The following MTHFD1L variants were observed in gnomAD, a reference collection of about 807,000 sequenced individuals.
MTHFD1L encodes the protein methylenetetrahydrofolate dehydrogenase (NADP+ dependent) 1 like, also known as monofunctional C1-tetrahydrofolate synthase, mitochondrial.
MTHFD1L carries 81 observed loss-of-function variants against 119.5 expected under a neutral mutation model. The observed-to-expected ratio is 0.68, with a 90% confidence interval of 0.57 to 0.82. MTHFD1L has a LOEUF of 0.82. MTHFD1L is among the 40% of genes least tolerant of loss of function. MTHFD1L has a pLI of 0.00. For missense variants in MTHFD1L, 1,125 were observed against 1,253.4 expected (o/e 0.90, Z 1.55); for synonymous variants, 430 against 475.2 (o/e 0.90, Z 1.24).
At chr6:150,905,891 C>T in intron 8 of MTHFD1L, 130 bp downstream of exon 8, 1 of 705,974 alleles carries the variant, frequency 1.4e-6, no homozygotes, top group Non-Finnish European at 2.4e-6. Flanking sequence ...GGGTAGGAAA[C>T]TTAGACTGTG....
chr6:150,897,438 A>G (rs1488356265), intron 7 of MTHFD1L, among the ~76,000 whole-genome samples: 1 of 152,234 alleles, frequency 6.6e-6, no homozygotes, highest in Admixed American at 6.5e-5. Flanking sequence ...TGTTAGGGTC[A>G]TGGGATTGCG....
At chr6:150,989,919 C>G (rs491552) in intron 20 of MTHFD1L, among the ~76,000 whole-genome samples, 81,235 of 152,064 alleles carry the variant, frequency 0.53, 22,905 homozygotes, top group African/African-American at 0.7. Flanking sequence ...AAATGAACTT[C>G]GTGGTTAAAT....
chr6:151,071,877 C>T (rs1352715672), intron 26 of MTHFD1L, among the ~76,000 whole-genome samples: 2 of 141,822 alleles, frequency 1.4e-5, no homozygotes, highest in East Asian at 2.1e-4. Context: ...AGTCTCACTC[C>T]GATCATCCAG....
chr6:150,942,260 CAAATAAAT>C (rs1020159855), intron 13 of MTHFD1L, among the ~76,000 whole-genome samples: 1 of 151,870 alleles, frequency 6.6e-6, no homozygotes, highest in Non-Finnish European at 1.5e-5. Flanking sequence ...ACTCCGTCTC[CAAATAAAT>C]AAATAAATAA....
Position 151,034,544 on chromosome 6 carries a change from A to G in MTHFD1L, c.2638A>G (p.Lys880Glu). Reference protein sequence around the residue: ...RTIAQAVYGAKDIELSPEAQA... With the variant: ...RTIAQAVYGAEDIELSPEAQA... ...CATTGCTCAGGCTGTCTATGGAGCC[A>G]AAGATATTGAACTCTCTCCTGAGGC... is the stretch of plus-strand genomic sequence containing the variant. The change falls in exon 25 of 28, where the codon AAA (lysine) becomes GAA (glutamate). Residue 880 changes from lysine (K) to glutamate (E), a missense_variant. Coordinates refer to ENST00000367321, the MANE Select transcript of MTHFD1L (RefSeq NM_015440.5). 6.2e-7 allele frequency: 1 copy of G among 1,611,976 alleles called. No homozygotes were observed. Among genetic ancestry groups the G allele is most frequent in the South Asian group, 1.1e-5 (1 of 90,994 alleles).
At chr6:150,904,293 G>C (rs983621993) in intron 7 of MTHFD1L, among the ~76,000 whole-genome samples, 4 of 152,142 alleles carry the variant, frequency 2.6e-5, no homozygotes, top group Non-Finnish European at 5.9e-5. Context: ...CTGCCCCTCT[G>C]TCTGTTTGAC....
intron 1 of MTHFD1L, among the ~76,000 whole-genome samples, chr6:150,872,093 G>A (rs1779645771): frequency 6.6e-6 from 1 of 151,254 alleles, no homozygotes; most frequent in Admixed American, 6.6e-5. Flanking sequence ...GGCCAGGCTG[G>A]TCTCCAACTC....
intron 7 of MTHFD1L, among the ~76,000 whole-genome samples, chr6:150,889,469 T>G (rs1445859151): frequency 6.6e-6 from 1 of 152,238 alleles, no homozygotes; most frequent in Non-Finnish European, 1.5e-5. Context: ...AAAGTTTTTC[T>G]TTCTGAAAAG....
Position 150,871,049 on chromosome 6 carries a change from A to AAT in MTHFD1L, c.227+5008_227+5009dup, listed in dbSNP as rs541250675. Among the ~76,000 whole-genome samples the AAT allele has an allele frequency of 4.4e-3, 639 of 145,172 alleles. 9 individuals carry two copies. The highest frequency in any genetic ancestry group is 0.015 in the African/African-American group (611 of 39,828). Reference sequence around the variant, plus strand: ...ACCTTAATTTATATATATACCTTATAATATATATACCTTAATATATATACC... The same window carrying AAT: ...ACCTTAATTTATATATATACCTTATAATATATATATACCTTAATATATATACC... On this transcript the variant is annotated intron_variant, in intron 1 of 27. Coordinates refer to ENST00000367321, the MANE Select transcript of MTHFD1L (RefSeq NM_015440.5).
chr6:150,866,682 C>A, intron 1 of MTHFD1L: 1 of 1,168,768 alleles, frequency 8.6e-7, no homozygotes, highest in Non-Finnish European at 1.1e-6. Context: ...TCCGAGAGGT[C>A]TCAGCGCTGG....
intron 20 of MTHFD1L, among the ~76,000 whole-genome samples, chr6:150,990,596 A>AT (rs1778938431): frequency 6.6e-6 from 1 of 151,008 alleles, no homozygotes; most frequent in Non-Finnish European, 1.5e-5. Context: ...AGTAGCCGGG[A>AT]TTACAGGCAT....
At chr6:151,053,551 C>T (rs181471097) in intron 26 of MTHFD1L, among the ~76,000 whole-genome samples, 89 of 152,202 alleles carry the variant, frequency 5.8e-4, no homozygotes, top group Non-Finnish European at 1.1e-3. Context: ...TCTGTGCCAT[C>T]TAAAAATATA....
intron 11 of MTHFD1L, among the ~76,000 whole-genome samples, chr6:150,929,615 C>T (rs1002065001): frequency 6.6e-6 from 1 of 152,182 alleles, no homozygotes; most frequent in East Asian, 1.9e-4. Flanking sequence ...CTAGCTAGCA[C>T]GACTGCCTGG....
At chr6:151,072,869 C>T (rs1353207716) in intron 26 of MTHFD1L, among the ~76,000 whole-genome samples, 1 of 152,122 alleles carries the variant, frequency 6.6e-6, no homozygotes, top group Non-Finnish European at 1.5e-5. Context: ...ATGTTAAAAG[C>T]ACACTGCATT....
chr6:151,092,616 T>G, intron 27 of MTHFD1L, 29 bp downstream of exon 27: 1 of 1,413,830 alleles, frequency 7.1e-7, no homozygotes, highest in Non-Finnish European at 9.8e-7. Flanking sequence ...ACTTTTTCTC[T>G]CTTTGTTTTT....
intron 1 of MTHFD1L, among the ~76,000 whole-genome samples, chr6:150,867,482 G>GT (rs1778606203): frequency 6.6e-6 from 1 of 152,212 alleles, no homozygotes; most frequent in African/African-American, 2.4e-5. Flanking sequence ...AGGTCATTAG[G>GT]TTTTAACCTG....
intron 20 of MTHFD1L, among the ~76,000 whole-genome samples, chr6:151,008,890 G>A (rs1351591492): frequency 1.3e-5 from 2 of 151,996 alleles, no homozygotes; most frequent in East Asian, 1.9e-4. Context: ...GCCAAGGTGG[G>A]CAGATCACCT....
intron 26 of MTHFD1L, among the ~76,000 whole-genome samples, chr6:151,074,829 T>C (rs1480296265): frequency 6.6e-6 from 1 of 152,230 alleles, no homozygotes; most frequent in African/African-American, 2.4e-5. Flanking sequence ...TAGGAGGCTA[T>C]ACCATCTAGG....
chr6:150,981,416 C>T (rs1185592113), intron 20 of MTHFD1L, among the ~76,000 whole-genome samples: 1 of 152,222 alleles, frequency 6.6e-6, no homozygotes, highest in Non-Finnish European at 1.5e-5. Flanking sequence ...AAATACCCCA[C>T]GGTGCCTCTG....
Sources: allele counts gnomAD v4.1 joint callset (sites outside exome capture counted in the v4.1 genomes callset), GRCh38; gene constraint gnomAD v4.1.1; transcripts MANE v1.5; gene names NCBI Gene and HGNC (gene_info 2026-07-23, HGNC 2026-07-21).